UBAP2: variants seen among roughly 807,000 people sequenced by gnomAD.
UBAP2 encodes ubiquitin associated protein 2, also known as ubiquitin-associated protein 2.
A neutral mutation model predicts 139.6 loss-of-function variants in UBAP2; 75 were observed. The observed-to-expected ratio is 0.54, with a 90% CI of 0.45 to 0.65. The LOEUF is 0.65. UBAP2 is among the 30% of genes least tolerant of loss of function. The pLI, the probability that UBAP2 is intolerant of heterozygous loss-of-function variation, is 0.00. For synonymous variants in UBAP2, 526 were observed against 526.2 expected (o/e 1.00, Z 0.01); for missense variants, 1,368 against 1,369.6 (o/e 1.00, Z 0.02).
At chr9:33,935,752 C>T in intron 17 of UBAP2, 87 bp downstream of exon 17, 1 of 1,490,012 alleles carries the variant, frequency 6.7e-7, no homozygotes, top group Non-Finnish European at 9.4e-7. Context: ...CATTGACCAA[C>T]TGGTGTTTTC....
chr9:34,036,299 T>C (rs1435121303), intron 1 of UBAP2, among the ~76,000 whole-genome samples: 1 of 151,968 alleles, frequency 6.6e-6, no homozygotes, highest in Non-Finnish European at 1.5e-5. Flanking sequence ...TATAATTTAA[T>C]AGAGATGGGG....
intron 1 of UBAP2, among the ~76,000 whole-genome samples, chr9:34,048,323 G>A (rs1312506475): frequency 6.6e-6 from 1 of 152,200 alleles, no homozygotes; most frequent in Non-Finnish European, 1.5e-5. Context: ...GAATTGAAAA[G>A]AAGTAGAACT....
At chr9:33,932,759 C>T in intron 18 of UBAP2, 131 bp from the exon 19 acceptor site, 1 of 921,036 alleles carries the variant, frequency 1.1e-6, no homozygotes. Flanking sequence ...CAGACCCATC[C>T]TCATTCCTTA....
At chr9:34,011,568 A>G (rs1045105320) in intron 2 of UBAP2, 2 of 915,796 alleles carry the variant, frequency 2.2e-6, no homozygotes, top group Non-Finnish European at 2.6e-6. Flanking sequence ...TTTGATAAAC[A>G]ATTCAATAAA....
rs916736504 is a variant in UBAP2, at chr9:34,007,501, A to G, written c.100-8637T>C. 4.6e-5 allele frequency among the ~76,000 whole-genome samples: 7 copies of G among 151,342 alleles called. No individual in the cohort carries two copies. In the South Asian group the frequency reaches 1.5e-3, roughly 32 times the overall value. ...GACCCTGTCTCAAAAAAAAAAAAAAATAGCCTTTATTATTTTGAGGTATGT... is the reference window on the plus strand; with the variant it reads ...GACCCTGTCTCAAAAAAAAAAAAAAGTAGCCTTTATTATTTTGAGGTATGT... On this transcript the variant is annotated intron_variant, in intron 2 of 28. Transcript: ENST00000379238.
intron 1 of UBAP2, among the ~76,000 whole-genome samples, chr9:34,028,791 C>A (rs568255251): frequency 2.0e-5 from 3 of 151,808 alleles, no homozygotes; most frequent in African/African-American, 7.2e-5. Context: ...ACAGTTCTCT[C>A]TCTCCTACAA....
chr9:33,925,628 T>A (rs908567116), intron 22 of UBAP2, among the ~76,000 whole-genome samples: 1 of 152,036 alleles, frequency 6.6e-6, no homozygotes, highest in East Asian at 1.9e-4. Flanking sequence ...GTTTGCACAG[T>A]GGGGAGAAGC....
chr9:34,032,007 T>C (rs575431622), intron 1 of UBAP2, among the ~76,000 whole-genome samples: 37 of 152,054 alleles, frequency 2.4e-4, no homozygotes, highest in Middle Eastern at 3.4e-3. Context: ...TAGCCAGGTA[T>C]GGTGGCGCAT....
chr9:34,025,935 C>G (rs1302765599), intron 1 of UBAP2, among the ~76,000 whole-genome samples: 1 of 152,078 alleles, frequency 6.6e-6, no homozygotes, highest in Non-Finnish European at 1.5e-5. Flanking sequence ...AGTGAAACAG[C>G]CGCATTTTCA....
intron 9 of UBAP2, among the ~76,000 whole-genome samples, chr9:33,962,561 G>A (rs990397129): frequency 7.2e-5 from 11 of 151,956 alleles, no homozygotes; most frequent in Admixed American, 6.6e-4. Context: ...CAGGAGAATC[G>A]TTTGAACCCA....
intron 8 of UBAP2, among the ~76,000 whole-genome samples, chr9:33,967,857 G>A (rs1186209674): frequency 6.6e-6 from 1 of 152,110 alleles, no homozygotes; most frequent in Non-Finnish European, 1.5e-5. Context: ...GATGTCAATA[G>A]GTCAGCAGGA....
intron 2 of UBAP2, among the ~76,000 whole-genome samples, chr9:34,016,286 AGGAGGAGGAAGAGGAGGAAG>A (rs1564064181): frequency 4.0e-4 from 7 of 17,414 alleles, no homozygotes; most frequent in Non-Finnish European, 8.5e-4. Flanking sequence ...GAGGAAGAGG[AGGAGGAGGAAGAGGAGGAAG>A]AGGAGGAAGA....
At chr9:33,952,846 T>C (rs1826218282) in intron 12 of UBAP2, 1 of 154,798 alleles carries the variant, frequency 6.5e-6, no homozygotes, top group Admixed American at 6.5e-5. Flanking sequence ...CATTGTTTTC[T>C]GGACTAAGAT....
At chr9:34,044,191 G>A (rs886653256) in intron 1 of UBAP2, among the ~76,000 whole-genome samples, 4 of 151,576 alleles carry the variant, frequency 2.6e-5, no homozygotes, top group African/African-American at 9.7e-5. Context: ...CACGAGGTCA[G>A]GAGATCAAGA....
intron 2 of UBAP2, among the ~76,000 whole-genome samples, chr9:34,013,012 G>C (rs114292003): frequency 6.6e-6 from 1 of 151,168 alleles, no homozygotes; most frequent in Non-Finnish European, 1.5e-5. Flanking sequence ...AAATTAGCCG[G>C]GTGTGGTGAT....
chr9:33,983,696 C>G lies in UBAP2; in HGVS notation c.520+3064G>C, dbSNP rs184372296. Among the ~76,000 whole-genome samples, 5 of 152,078 alleles carry G rather than the reference C, an allele frequency of 3.3e-5. No individual in the cohort carries two copies. In the South Asian group the frequency reaches 1.0e-3, roughly 32 times the overall value. ...AAGGTGTGTACTTCAGGGTTTAGGA[C>G]CTAATAAATTAGCAGAGGTGTACGT... On this transcript the variant is annotated intron_variant, in intron 6 of 28. Coordinates refer to ENST00000379238, the MANE Select transcript of UBAP2 (RefSeq NM_001370062.2).
intron 1 of UBAP2, among the ~76,000 whole-genome samples, chr9:34,039,298 C>T (rs1317830370): frequency 2.6e-5 from 4 of 152,038 alleles, no homozygotes; most frequent in African/African-American, 9.7e-5. Flanking sequence ...GCCCGGCCAC[C>T]CCTTCTGGGA....
intron 3 of UBAP2, chr9:33,997,315 G>C (rs1822287814): frequency 6.6e-6 from 1 of 152,168 alleles, no homozygotes; most frequent in South Asian, 2.1e-4. Flanking sequence ...ATAAATCTAT[G>C]ATTTAATATC....
chr9:34,018,180 T>A (rs941553250), intron 1 of UBAP2, among the ~76,000 whole-genome samples: 1 of 149,614 alleles, frequency 6.7e-6, no homozygotes, highest in Non-Finnish European at 1.5e-5. Context: ...AAAAAAAAAA[T>A]TATAACCATA....
Sources: allele counts gnomAD v4.1 joint callset (sites outside exome capture counted in the v4.1 genomes callset), GRCh38; gene constraint gnomAD v4.1.1; transcripts MANE v1.5; gene names NCBI Gene and HGNC (gene_info 2026-07-23, HGNC 2026-07-21).